DCLK1: variants seen among roughly 807,000 people sequenced by gnomAD.
DCLK1 encodes the protein doublecortin like kinase 1.
In DCLK1, 16 loss-of-function variants were observed where a neutral mutation model predicts 86.2. The ratio of observed to expected loss-of-function variants is 0.19; its 90% CI spans 0.13 to 0.28. DCLK1 has a LOEUF of 0.28. Among genes scored for constraint, DCLK1 ranks in the 10% least tolerant of loss-of-function variants. The pLI, the probability that DCLK1 is intolerant of heterozygous loss-of-function variation, is 1.00. For synonymous variants in DCLK1, 369 were observed against 370.5 expected (o/e 1.00, Z 0.05); for missense variants, 590 against 940.2 (o/e 0.63, Z 4.87).
At chr13:36,110,025 AGT>A (rs1276330750) in intron 3 of DCLK1, among the ~76,000 whole-genome samples, 2 of 152,212 alleles carry the variant, frequency 1.3e-5, no homozygotes, top group African/African-American at 2.4e-5. Flanking sequence ...AAAATTCTGA[AGT>A]GCAGCAGGGA....
chr13:36,055,976 G>C (rs1251636154), intron 3 of DCLK1, among the ~76,000 whole-genome samples: 2 of 151,942 alleles, frequency 1.3e-5, no homozygotes, highest in African/African-American at 4.8e-5. Context: ...ACAGGTGCTG[G>C]AGAGGATGTG....
chr13:35,983,070 T>C (rs1879740706), intron 3 of DCLK1, among the ~76,000 whole-genome samples: 1 of 152,056 alleles, frequency 6.6e-6, no homozygotes, highest in Non-Finnish European at 1.5e-5. Flanking sequence ...GACCATGAAT[T>C]GCTTTTTGGT....
At chr13:35,861,137 G>T (rs529492282) in intron 5 of DCLK1, among the ~76,000 whole-genome samples, 1 of 152,340 alleles carries the variant, frequency 6.6e-6, no homozygotes, top group South Asian at 2.1e-4. Context: ...AAGATAAAGT[G>T]GGAGGACACC....
rs1413786571 is a variant in DCLK1 at position 35,989,252 on chromosome 13, C to T, written c.724-41795G>A. Among the ~76,000 whole-genome samples the T allele has an allele frequency of 5.9e-5, 9 of 152,210 alleles. No homozygotes were observed. In the South Asian group the frequency reaches 1.9e-3, roughly 32 times the overall value. On this transcript the variant is annotated intron_variant, in intron 3 of 16. Transcript: ENST00000360631. ...GCAAAATATCTATACTTTGGAATTT[C>T]AAAACATGACTTTCTTCTTCTTATT...
chr13:35,771,348 G>T lies in DCLK1; in HGVS notation c.*3187C>A, dbSNP rs1202928769. ...GAACACAAAACACCAAGTGTTTTCA[G>T]TAGTTTATTCACATTTTTTTTTCTC... On this transcript the variant is annotated 3_prime_UTR_variant, in exon 17 of 17. Coordinates refer to ENST00000360631, the MANE Select transcript of DCLK1 (RefSeq NM_001330071.2). 1 of 152,110 alleles carries T rather than the reference G, an allele frequency of 6.6e-6. No individual in the cohort carries two copies. Among genetic ancestry groups the T allele is most frequent in the African/African-American group, 2.4e-5 (1 of 41,430 alleles). The allele number at this position is 152,110 out of a possible 1,614,324, so 9.4% of individuals were successfully genotyped here.
At position 35,950,043 on chromosome 13, in the gene DCLK1, T is replaced by C. The variant is rs74417678; in HGVS notation, c.724-2586A>G. 6.1e-3 allele frequency among the ~76,000 whole-genome samples: 929 copies of C among 152,346 alleles called. 8 individuals are homozygous for C. The highest frequency in any genetic ancestry group is 0.018 in the African/African-American group (730 of 41,590). ...TCAGTGATTGAAATGAGAGAATTTG[T>C]TGAACTAACAGAAACTCTGATGTTT... is the stretch of plus-strand genomic sequence containing the variant. On this transcript the variant is annotated intron_variant, in intron 3 of 16. Transcript: ENST00000360631.
chr13:35,943,626 T>C (rs1360558843), intron 4 of DCLK1, among the ~76,000 whole-genome samples: 3 of 151,920 alleles, frequency 2.0e-5, no homozygotes, highest in African/African-American at 4.8e-5. Flanking sequence ...GGCAGTGGAA[T>C]GAATGGGTGA....
At chr13:36,014,116 C>T (rs1465132823) in intron 3 of DCLK1, among the ~76,000 whole-genome samples, 3 of 152,188 alleles carry the variant, frequency 2.0e-5, no homozygotes, top group Non-Finnish European at 4.4e-5. Flanking sequence ...CTGGCACTCC[C>T]TTAGTGAGAT....
intron 4 of DCLK1, among the ~76,000 whole-genome samples, chr13:35,896,591 G>GAA (rs11450161): frequency 1.9e-3 from 253 of 129,950 alleles, no homozygotes; most frequent in East Asian, 4.0e-3. Context: ...TTGATATATA[G>GAA]AAAAAAAAAA....
At chr13:36,093,821 T>C (rs1807609728) in intron 3 of DCLK1, among the ~76,000 whole-genome samples, 1 of 152,202 alleles carries the variant, frequency 6.6e-6, no homozygotes, top group African/African-American at 2.4e-5. Context: ...ATAGTATTTG[T>C]GGAATATAAA....
intron 4 of DCLK1, among the ~76,000 whole-genome samples, chr13:35,878,031 A>G (rs1872683235): frequency 6.6e-6 from 1 of 152,000 alleles, no homozygotes; most frequent in Non-Finnish European, 1.5e-5. Context: ...TCCTTAACTC[A>G]GGAATATTCT....
chr13:35,944,964 C>T (rs570062148), intron 4 of DCLK1, among the ~76,000 whole-genome samples: 2 of 152,162 alleles, frequency 1.3e-5, no homozygotes, highest in South Asian at 2.1e-4. Flanking sequence ...TGCAATGGTG[C>T]GATCTCGGTT....
intron 3 of DCLK1, among the ~76,000 whole-genome samples, chr13:36,023,852 A>G (rs1324308769): frequency 1.3e-5 from 2 of 150,522 alleles, no homozygotes; most frequent in Non-Finnish European, 3.0e-5. Context: ...TCCCCCTAAG[A>G]TTGGGAACAC....
intron 3 of DCLK1, among the ~76,000 whole-genome samples, chr13:36,052,161 C>T (rs535445905): frequency 2.4e-4 from 37 of 152,230 alleles, no homozygotes; most frequent in African/African-American, 7.9e-4. Flanking sequence ...TATCTCATCA[C>T]GGAACTTGCT....
chr13:35,846,524 G>A (rs1870187508), intron 6 of DCLK1: 1 of 985,146 alleles, frequency 1.0e-6, no homozygotes, highest in African/African-American at 1.7e-5. Flanking sequence ...GACATCATAT[G>A]TCATGCACCC....
In DCLK1 at chr13:36,076,821, G is replaced by T. The variant is rs889342164; in HGVS notation, c.723+35048C>A. Among the ~76,000 whole-genome samples, 2 of 152,244 alleles carry T rather than the reference G, an allele frequency of 1.3e-5. 1 individual carries two copies. The highest frequency in any genetic ancestry group is 1.3e-4 in the Admixed American group (2 of 15,306). ...GAGTCACCTCTGTCTTCTACATAAC[G>T]CTTTCCCAAATGTTTGAAGATGGAC... On this transcript the variant is annotated intron_variant, in intron 3 of 16. Coordinates refer to ENST00000360631, the MANE Select transcript of DCLK1 (RefSeq NM_001330071.2).
intron 3 of DCLK1, among the ~76,000 whole-genome samples, chr13:36,043,336 CT>C (rs1295641078): frequency 6.6e-6 from 1 of 150,874 alleles, no homozygotes; most frequent in African/African-American, 2.4e-5. Flanking sequence ...AAAAAAAAAA[CT>C]TTATTAAAAG....
At chr13:35,826,523 CAAA>C (rs533243711) in intron 10 of DCLK1, among the ~76,000 whole-genome samples, 7 of 19,808 alleles carry the variant, frequency 3.5e-4, no homozygotes, top group Admixed American at 1.3e-3. Flanking sequence ...AACTCCATCT[CAAA>C]AAAAAAAAAA....
In DCLK1 at chr13:35,858,686, A is replaced by G. The variant is rs552357812; in HGVS notation, c.941-4093T>C. On this transcript the variant is annotated intron_variant, in intron 5 of 16. Transcript: ENST00000360631. ...TGGTAATTGTGGTTTTTGCCATTAA[A>G]AGTAAAGCAAAAACTGCAATTACTT... Among the ~76,000 whole-genome samples, 13 of 152,268 alleles carry G rather than the reference A, an allele frequency of 8.5e-5. No homozygotes were observed. The South Asian group carries it at 2.7e-3, about 32-fold the overall frequency.
Sources: allele counts gnomAD v4.1 joint callset (sites outside exome capture counted in the v4.1 genomes callset), GRCh38; gene constraint gnomAD v4.1.1; transcripts MANE v1.5; gene names NCBI Gene and HGNC (gene_info 2026-07-23, HGNC 2026-07-21).